Variants in ZC3H7A observed in about 807,000 individuals in gnomAD.
The protein encoded by ZC3H7A is zinc finger CCCH domain-containing protein 7A.
Under a neutral mutation model 125.5 loss-of-function variants are expected in ZC3H7A, and 44 were observed. That is an observed-to-expected ratio of 0.35 (90% confidence interval 0.28 to 0.45). ZC3H7A has a LOEUF of 0.45. Ranked by LOEUF, ZC3H7A falls within the 20% of genes least tolerant of loss-of-function variation. ZC3H7A has a pLI of 1.00. For synonymous variants in ZC3H7A, 399 were observed against 391.2 expected, an observed-to-expected ratio of 1.02 and a Z score of -0.23; for missense variants, 977 against 1,170.7, an observed-to-expected ratio of 0.83 and a Z score of 2.41.
intron 1 of ZC3H7A, among the ~76,000 whole-genome samples, chr16:11,790,274 T>C (rs1012529203): frequency 2.0e-5 from 3 of 152,120 alleles, no homozygotes; most frequent in African/African-American, 7.2e-5. Context: ...AGTGTGGCAA[T>C]GTGATGAGGC....
chr16:11,752,631 G>C (rs745391776), intron 22 of ZC3H7A, 38 bp downstream of exon 22: 42 of 1,584,068 alleles, frequency 2.7e-5, no homozygotes, highest in Non-Finnish European at 3.5e-5. Context: ...TTTGAGGTCA[G>C]CAATTCTGAC....
At chr16:11,774,050 CT>C (rs1477808412) in intron 9 of ZC3H7A, among the ~76,000 whole-genome samples, 185 bp downstream of exon 9, 1 of 151,788 alleles carries the variant, frequency 6.6e-6, no homozygotes, top group African/African-American at 2.4e-5. Flanking sequence ...AGATAGCATT[CT>C]TTTTTTATTT....
chr16:11,775,135 G>C (rs1054909311), intron 7 of ZC3H7A, 122 bp from the exon 8 acceptor site: 5 of 940,386 alleles, frequency 5.3e-6, no homozygotes, highest in Non-Finnish European at 8.3e-6. Flanking sequence ...CACCTGGGGA[G>C]GCCGAGACAG....
At position 11,770,971 on chromosome 16, in the gene ZC3H7A, C is replaced by G. The variant is rs771515288; in HGVS notation, c.920G>C (p.Arg307Thr). Reference sequence around the variant, plus strand: ...GACACTGGCTGTCTGAAGGGGTCCTCTGACTAAAGCTGACGGCTGCGGAAG... The same window carrying G: ...GACACTGGCTGTCTGAAGGGGTCCTGTGACTAAAGCTGACGGCTGCGGAAG... ...NETVMPSALV[R>T]GPLQTASVSP... The change falls in exon 10 of 23, where the codon AGA becomes ACA. Residue 307 changes from arginine to threonine, a missense_variant. By Grantham distance (71) the Arg-to-Thr change is moderately conservative. Transcript: ENST00000355758. The G allele has an allele frequency of 2.5e-6, 4 of 1,601,642 alleles. No individual in the cohort carries two copies. The African/African-American group carries it at 5.4e-5, about 22-fold the overall frequency.
intron 21 of ZC3H7A, among the ~76,000 whole-genome samples, chr16:11,755,768 A>G (rs1298141250): frequency 6.6e-6 from 1 of 152,194 alleles, no homozygotes; most frequent in East Asian, 1.9e-4. Flanking sequence ...TCACATGAGG[A>G]GACTTAAGCT....
At chr16:11,766,224 GATTCTGTTT>G (rs371308978) in intron 13 of ZC3H7A, among the ~76,000 whole-genome samples, 8 of 152,296 alleles carry the variant, frequency 5.3e-5, no homozygotes, top group African/African-American at 1.9e-4. Context: ...TCAGTGTTTT[GATTCTGTTT>G]AGAGAGAACT....
intron 1 of ZC3H7A, 86 bp from the exon 2 acceptor site, chr16:11,782,474 C>T: frequency 1.8e-6 from 2 of 1,117,076 alleles, no homozygotes; most frequent in African/African-American, 1.5e-5. Context: ...GACCTTGTCA[C>T]ACAATCAGCT....
In ZC3H7A at chr16:11,774,236, C is replaced by T; in HGVS notation, c.903G>A (p.Met301Ile). 6.4e-7 allele frequency: 1 copy of T among 1,572,082 alleles called. No individual in the cohort carries two copies. Among genetic ancestry groups the T allele is most frequent in the Non-Finnish European group, 8.7e-7 (1 of 1,155,262 alleles). Residue 301 changes from methionine (M) to isoleucine (I), a missense_variant and splice_region_variant, in exon 9 of 23, where the codon ATG becomes ATA. Around this residue, in one of 3 missense-constraint regions of ZC3H7A, gnomAD observed 342 missense variants for 311.3 expected, o/e 1.10. Coordinates refer to ENST00000355758, the MANE Select transcript of ZC3H7A (RefSeq NM_014153.4). ...AAACTTGAGTAACACTGAAACTTAC[C>T]ATAACAGTTTCATTAGTTTCAGGTG... ...DSAPETNETV[M>I]PSALVRGPLQ... is the part of the protein sequence containing the mutation.
At chr16:11,763,288 TG>T in intron 16 of ZC3H7A, 189 bp downstream of exon 16, 1 of 434,214 alleles carries the variant, frequency 2.3e-6, no homozygotes, top group East Asian at 3.9e-5. Context: ...TTGTATTTTT[TG>T]TAGAGATGGG....
At chr16:11,792,668 A>G (rs1251076673) in intron 1 of ZC3H7A, among the ~76,000 whole-genome samples, 2 of 152,358 alleles carry the variant, frequency 1.3e-5, no homozygotes, top group South Asian at 2.1e-4. Flanking sequence ...CAGGTACTAT[A>G]AAGAAACTGA....
chr16:11,760,122 G>GAAAAAAAAAAAAAAGAAAAAAAAAAA (rs2052723049), intron 19 of ZC3H7A, among the ~76,000 whole-genome samples: 2 of 82,532 alleles, frequency 2.4e-5, no homozygotes, highest in African/African-American at 5.4e-5. Flanking sequence ...AAGAAAAAAT[G>GAAAAAAAAAAAAAAGAAAAAAAAAAA]AAAAAAAAAA....
At chr16:11,771,059 C>A in intron 9 of ZC3H7A, 72 bp from the exon 10 acceptor site, 1 of 1,400,646 alleles carries the variant, frequency 7.1e-7, no homozygotes, top group Non-Finnish European at 9.7e-7. Context: ...CTTTCAACAC[C>A]AGCAAATAAA....
chr16:11,751,903 C>A (rs1453345652), intron 22 of ZC3H7A, among the ~76,000 whole-genome samples: 3 of 128,926 alleles, frequency 2.3e-5, no homozygotes, highest in African/African-American at 5.7e-5. Context: ...ACTGAAAAAC[C>A]TTTTTTTTTT....
In ZC3H7A at chr16:11,761,288, A is replaced by C. The variant is rs1348554265; in HGVS notation, c.2319+118T>G. ...AAAACCAAAGAGGAACCATTTAAAT[A>C]GCATTATTACTGACGAATATTATTT... is the stretch of plus-strand genomic sequence containing the variant. On this transcript the variant is annotated intron_variant, in intron 19 of 22. Coordinates refer to ENST00000355758, the MANE Select transcript of ZC3H7A (RefSeq NM_014153.4). The C allele has an allele frequency of 3.2e-6, 3 of 939,542 alleles. No homozygotes were observed. The African/African-American group carries it at 4.9e-5, about 15-fold the overall frequency. 58.2% of individuals were successfully genotyped at this position (939,542 alleles called of 1,614,324 possible).
chr16:11,785,206 G>A (rs1240234441), intron 1 of ZC3H7A, among the ~76,000 whole-genome samples: 3 of 152,054 alleles, frequency 2.0e-5, no homozygotes, highest in African/African-American at 7.2e-5. Context: ...AGGCATGGTG[G>A]CATGCACCTG....
At chr16:11,761,880 A>C (rs1596380914) in intron 18 of ZC3H7A, 30 bp downstream of exon 18, 2 of 1,604,202 alleles carry the variant, frequency 1.2e-6, no homozygotes, top group African/African-American at 1.3e-5. Flanking sequence ...AAATTACAAA[A>C]TAGGAATTGT....
At chr16:11,774,862 A>G (rs540091376) in intron 8 of ZC3H7A, 118 bp downstream of exon 8, 26 of 1,203,928 alleles carry the variant, frequency 2.2e-5, no homozygotes, top group Middle Eastern at 2.0e-4. Flanking sequence ...CTTTCATATT[A>G]ATACATTAAT....
chr16:11,779,383 C>A lies in ZC3H7A; in HGVS notation c.109-20G>T. The A allele has an allele frequency of 6.3e-7, 1 of 1,596,648 alleles. No individual in the cohort carries two copies. The highest frequency in any genetic ancestry group is 1.1e-5 in the South Asian group (1 of 87,536). ...ATATACCTAAAAAAAAGAAAGTTAC[C>A]ACTTGAAGCCTTTTATCAAACAAGA... On this transcript the variant is annotated intron_variant, in intron 3 of 22. Transcript: ENST00000355758.
intron 5 of ZC3H7A, 58 bp downstream of exon 5, chr16:11,776,693 G>C: frequency 1.9e-6 from 3 of 1,540,816 alleles, no homozygotes; most frequent in East Asian, 2.3e-5. Flanking sequence ...CTCTTTAAAT[G>C]CCATTTATTA....
Sources: allele counts gnomAD v4.1 joint callset (sites outside exome capture counted in the v4.1 genomes callset), GRCh38; gene constraint gnomAD v4.1.1; regional missense constraint gnomAD v4.1.1; transcripts MANE v1.5; gene names NCBI Gene and HGNC (gene_info 2026-07-23, HGNC 2026-07-21).